Variants in NTNG1 observed in about 807,000 individuals in gnomAD.
NTNG1 encodes the protein netrin-G1.
NTNG1 carries 16 observed loss-of-function variants against 54.0 expected under a neutral mutation model. The observed-to-expected ratio is 0.30, with a 90% CI of 0.20 to 0.45. NTNG1 has a LOEUF of 0.45. Ranked by LOEUF, NTNG1 falls within the 20% of genes least tolerant of loss-of-function variation. The pLI is 1.00. For synonymous variants in NTNG1, 255 were observed against 263.1 expected (o/e 0.97, Z 0.30); for missense variants, 530 against 678.7 (o/e 0.78, Z 2.43).
At chr1:107,331,170 G>A (rs897797784) in intron 3 of NTNG1, among the ~76,000 whole-genome samples, 1 of 151,926 alleles carries the variant, frequency 6.6e-6, no homozygotes, top group African/African-American at 2.4e-5. Context: ...GGTTTTTCAC[G>A]GCAAACCTTA....
At chr1:107,449,639 G>A (rs1558008320) in intron 7 of NTNG1, among the ~76,000 whole-genome samples, 1 of 151,302 alleles carries the variant, frequency 6.6e-6, no homozygotes, top group Non-Finnish European at 1.5e-5. Context: ...CCAAGAATAT[G>A]TCTGGATTTA....
At chr1:107,261,838 G>A (rs551484812) in intron 2 of NTNG1, among the ~76,000 whole-genome samples, 5 of 152,178 alleles carry the variant, frequency 3.3e-5, no homozygotes, top group African/African-American at 4.8e-5. Flanking sequence ...GTGAGACTCC[G>A]TCTCAAAAAA....
chr1:107,154,247 A>G (rs919754232), intron 2 of NTNG1, among the ~76,000 whole-genome samples: 3 of 152,092 alleles, frequency 2.0e-5, no homozygotes, highest in Admixed American at 6.6e-5. Context: ...GGAAAATACT[A>G]TCTGGTAGCC....
At chr1:107,151,492 T>C (rs898862339) in intron 2 of NTNG1, among the ~76,000 whole-genome samples, 5 of 152,162 alleles carry the variant, frequency 3.3e-5, no homozygotes, top group Non-Finnish European at 5.9e-5. Context: ...AGCTGCCACA[T>C]GAGTACAGCC....
chr1:107,148,932 A>G lies in NTNG1; in HGVS notation c.246+93A>G. 3.9e-6 allele frequency: 5 copies of G among 1,293,384 alleles called. No homozygotes were observed. In the South Asian group the frequency reaches 5.5e-5, roughly 14 times the overall value. The allele number at this position is 1,293,384 out of a possible 1,614,324, so 80.1% of individuals were successfully genotyped here. On this transcript the variant is annotated intron_variant, in intron 2 of 7. Coordinates refer to ENST00000370068, the MANE Select transcript of NTNG1 (RefSeq NM_001113226.3). The stretch of plus-strand genomic sequence containing the variant: ...GGTGAGTGTGAAGACAATTCATGCA[A>G]TAAGTTGAATCTGCAGGTGGCAGAT...
chr1:107,265,247 G>T (rs3123372), intron 2 of NTNG1, among the ~76,000 whole-genome samples: 128,865 of 152,074 alleles, frequency 0.85, 58,485 homozygotes, highest in Non-Finnish European at 1. Context: ...ATAAGGAAAG[G>T]AATGTAGAAG....
intron 3 of NTNG1, among the ~76,000 whole-genome samples, chr1:107,389,241 C>T (rs1056696105): frequency 6.6e-6 from 1 of 152,208 alleles, no homozygotes; most frequent in Admixed American, 6.5e-5. Flanking sequence ...GTAACCAAAA[C>T]TCTGACTGCA....
At chr1:107,452,026 T>A (rs531877950) in intron 7 of NTNG1, among the ~76,000 whole-genome samples, 3 of 152,136 alleles carry the variant, frequency 2.0e-5, no homozygotes, top group Non-Finnish European at 2.9e-5. Context: ...ACTAAGTGTG[T>A]CTTGTTGAAA....
At chr1:107,156,689 A>G (rs1655024374) in intron 2 of NTNG1, among the ~76,000 whole-genome samples, 1 of 152,156 alleles carries the variant, frequency 6.6e-6, no homozygotes, top group African/African-American at 2.4e-5. Flanking sequence ...TATTTAATTG[A>G]GGCTAAAAAT....
chr1:107,275,710 T>C (rs960105621), intron 2 of NTNG1, among the ~76,000 whole-genome samples: 1 of 152,234 alleles, frequency 6.6e-6, no homozygotes, highest in African/African-American at 2.4e-5. Context: ...CTTTATGTTC[T>C]ATTCACTAAC....
intron 2 of NTNG1, among the ~76,000 whole-genome samples, chr1:107,227,458 C>A (rs1236196736): frequency 6.6e-6 from 1 of 152,122 alleles, no homozygotes; most frequent in African/African-American, 2.4e-5. Context: ...GTGGCACTAA[C>A]CTTCATTACA....
chr1:107,167,202 C>T (rs1298991591), intron 2 of NTNG1, among the ~76,000 whole-genome samples: 1 of 151,910 alleles, frequency 6.6e-6, no homozygotes, highest in Non-Finnish European at 1.5e-5. Context: ...CTCAGTGTTA[C>T]AGAACAGATC....
intron 2 of NTNG1, among the ~76,000 whole-genome samples, chr1:107,190,806 T>A (rs1474380608): frequency 6.6e-6 from 1 of 152,214 alleles, no homozygotes; most frequent in African/African-American, 2.4e-5. Flanking sequence ...TGTGCCACAT[T>A]TTCTTAATCC....
At chr1:107,193,602 G>C (rs1054490582) in intron 2 of NTNG1, among the ~76,000 whole-genome samples, 4 of 151,942 alleles carry the variant, frequency 2.6e-5, no homozygotes, top group African/African-American at 9.7e-5. Flanking sequence ...CTCAGTTTAT[G>C]GGTGAGCAGA....
chr1:107,214,319 C>T (rs1050242772), intron 2 of NTNG1, among the ~76,000 whole-genome samples: 5 of 152,088 alleles, frequency 3.3e-5, no homozygotes, highest in African/African-American at 1.2e-4. Context: ...CATTCTTATA[C>T]CTTTGTGTCC....
intron 2 of NTNG1, among the ~76,000 whole-genome samples, chr1:107,247,315 G>T (rs1662270415): frequency 6.6e-6 from 1 of 152,052 alleles, no homozygotes; most frequent in Admixed American, 6.5e-5. Flanking sequence ...TTAAAATGAG[G>T]CTACAGAGTG....
At chr1:107,389,708 C>T (rs998640622) in intron 3 of NTNG1, among the ~76,000 whole-genome samples, 6 of 152,216 alleles carry the variant, frequency 3.9e-5, no homozygotes, top group African/African-American at 1.4e-4. Flanking sequence ...GTTCAAGGAA[C>T]ACGCAGGTCA....
chr1:107,183,614 C>G (rs140124570), intron 2 of NTNG1, among the ~76,000 whole-genome samples: 12 of 152,140 alleles, frequency 7.9e-5, no homozygotes, highest in African/African-American at 1.9e-4. Flanking sequence ...GGACATCGAG[C>G]TTTTGTTTTT....
chr1:107,409,231 G>A (rs1348052550), intron 5 of NTNG1: 2 of 152,216 alleles, frequency 1.3e-5, no homozygotes, highest in Non-Finnish European at 2.9e-5. Context: ...TTCAGGCCTT[G>A]ACAATTGCAT....
Sources: gnomAD v4.1 joint callset for allele counts (sites outside exome capture counted in the v4.1 genomes callset) on GRCh38, gnomAD v4.1.1 for gene constraint, MANE v1.5 for transcripts, NCBI Gene and HGNC (gene_info 2026-07-23, HGNC 2026-07-21) for gene names.